WDR70: variants seen among roughly 807,000 people sequenced by gnomAD.
WDR70 encodes WD repeat domain 70.
A neutral mutation model predicts 88.6 loss-of-function variants in WDR70; 53 were observed. The observed-to-expected ratio is 0.60, with a 90% CI of 0.48 to 0.75. The LOEUF is 0.75. WDR70 is among the 30% of genes least tolerant of loss of function. The pLI is 0.00. For missense variants in WDR70, 610 were observed against 823.2 expected, an observed-to-expected ratio of 0.74 and a Z score of 3.17; for synonymous variants, 280 against 270.0, an observed-to-expected ratio of 1.04 and a Z score of -0.36.
intron 9 of WDR70, among the ~76,000 whole-genome samples, chr5:37,528,893 C>A: frequency 7.1e-6 from 1 of 139,932 alleles, no homozygotes; most frequent in Admixed American, 7.3e-5. Context: ...TTGCCTAAGC[C>A]AATGTCTAGA....
At chr5:37,438,908 G>GTTTTTTTTTTTT (rs5867350) in intron 6 of WDR70, among the ~76,000 whole-genome samples, 12 of 146,210 alleles carry the variant, frequency 8.2e-5, no homozygotes, top group Non-Finnish European at 6.0e-5. Flanking sequence ...GTCCTCATTC[G>GTTTTTTTTTTTT]TTTTTTTTTT....
At chr5:37,402,458 AT>A in intron 5 of WDR70, among the ~76,000 whole-genome samples, 1 of 152,070 alleles carries the variant, frequency 6.6e-6, no homozygotes, top group Non-Finnish European at 1.5e-5. Context: ...TCCTTTGGAT[AT>A]ATACTCATTA....
At position 37,571,215 on chromosome 5, in the gene WDR70, A is replaced by C. The variant is rs570258496; in HGVS notation, c.918-33849A>C. Among the ~76,000 whole-genome samples the C allele has an allele frequency of 2.0e-5, 3 of 152,316 alleles. No homozygotes were observed. In the South Asian group the frequency reaches 6.2e-4, roughly 32 times the overall value. Reference sequence around the variant, plus strand: ...CCGAAATTTCTAAGTAGCGCTGCCTATTGGATGAACTTTATCATATACTCT... The same window carrying C: ...CCGAAATTTCTAAGTAGCGCTGCCTCTTGGATGAACTTTATCATATACTCT... On this transcript the variant is annotated intron_variant, in intron 9 of 17. Coordinates refer to ENST00000265107, the MANE Select transcript of WDR70 (RefSeq NM_018034.4).
intron 8 of WDR70, among the ~76,000 whole-genome samples, chr5:37,501,605 T>G (rs963722978): frequency 3.9e-5 from 6 of 152,196 alleles, no homozygotes; most frequent in Non-Finnish European, 8.8e-5. Flanking sequence ...ACAAGTTTGC[T>G]TTAATCCATG....
chr5:37,426,434 G>A (rs1365751934), intron 5 of WDR70, among the ~76,000 whole-genome samples: 1 of 152,124 alleles, frequency 6.6e-6, no homozygotes, highest in Non-Finnish European at 1.5e-5. Context: ...TGATTTAAAA[G>A]AATAGCCAGT....
chr5:37,694,500 A>G (rs1746919222), intron 10 of WDR70, among the ~76,000 whole-genome samples: 1 of 152,226 alleles, frequency 6.6e-6, no homozygotes. Flanking sequence ...CATATACACC[A>G]TGGAATACTA....
intron 9 of WDR70, among the ~76,000 whole-genome samples, chr5:37,567,447 A>C (rs1168213724): frequency 2.0e-5 from 3 of 152,246 alleles, no homozygotes; most frequent in Non-Finnish European, 2.9e-5. Flanking sequence ...TAAACGATTT[A>C]AAAATAACAA....
chr5:37,627,086 T>C (rs1457144298), intron 10 of WDR70, among the ~76,000 whole-genome samples: 1 of 152,138 alleles, frequency 6.6e-6, no homozygotes, highest in Non-Finnish European at 1.5e-5. Context: ...GTTTGATCTT[T>C]TGTGTATTTT....
intron 9 of WDR70, among the ~76,000 whole-genome samples, chr5:37,587,525 C>T (rs1191072433): frequency 3.3e-5 from 5 of 151,948 alleles, no homozygotes; most frequent in African/African-American, 7.2e-5. Context: ...AGAATCCTTC[C>T]TAGATCTTTC....
At chr5:37,554,229 C>T (rs2112356110) in intron 9 of WDR70, among the ~76,000 whole-genome samples, 1 of 151,542 alleles carries the variant, frequency 6.6e-6, no homozygotes, top group East Asian at 1.9e-4. Flanking sequence ...CCTGTCTCTG[C>T]TAGGTCTTGG....
At chr5:37,587,418 C>T (rs1019682317) in intron 9 of WDR70, among the ~76,000 whole-genome samples, 12 of 151,946 alleles carry the variant, frequency 7.9e-5, no homozygotes, top group Admixed American at 4.6e-4. Context: ...CTAGGATGCA[C>T]TCCCCACCCC....
intron 9 of WDR70, among the ~76,000 whole-genome samples, chr5:37,527,819 G>A (rs1741344640): frequency 6.6e-6 from 1 of 152,082 alleles, no homozygotes; most frequent in African/African-American, 2.4e-5. Flanking sequence ...GTGGGCAAAG[G>A]ATATGAACAG....
At chr5:37,408,333 GTGT>G (rs1749416925) in intron 5 of WDR70, among the ~76,000 whole-genome samples, 2 of 152,054 alleles carry the variant, frequency 1.3e-5, no homozygotes, top group Admixed American at 1.3e-4. Flanking sequence ...AATTAGCCAG[GTGT>G]CATGGCACAC....
At chr5:37,697,536 G>C (rs1259638373) in intron 10 of WDR70, 119 bp from the exon 11 acceptor site, 1 of 696,838 alleles carries the variant, frequency 1.4e-6, no homozygotes, top group Non-Finnish European at 2.4e-6. Flanking sequence ...TGTGAAATTA[G>C]TACTTTGCTT....
At chr5:37,751,813 G>A (rs1402046571) in intron 17 of WDR70, among the ~76,000 whole-genome samples, 1 of 152,190 alleles carries the variant, frequency 6.6e-6, no homozygotes, top group African/African-American at 2.4e-5. Context: ...GGATGTCATT[G>A]AACCGGTATG....
At chr5:37,733,039 G>A (rs1430996556) in intron 17 of WDR70, among the ~76,000 whole-genome samples, 2 of 151,930 alleles carry the variant, frequency 1.3e-5, no homozygotes, top group Non-Finnish European at 2.9e-5. Context: ...CAAATTTGAT[G>A]TCTTAAAAAG....
chr5:37,732,844 T>C (rs1748189765), intron 17 of WDR70, among the ~76,000 whole-genome samples: 1 of 152,086 alleles, frequency 6.6e-6, no homozygotes, highest in Non-Finnish European at 1.5e-5. Context: ...TATTTTAATG[T>C]GGTGAGATTT....
intron 7 of WDR70, among the ~76,000 whole-genome samples, chr5:37,464,803 T>C (rs1467427473): frequency 1.3e-5 from 2 of 152,200 alleles, no homozygotes; most frequent in Non-Finnish European, 2.9e-5. Context: ...GCACGGGTGC[T>C]GGATCTGGAC....
chr5:37,383,910 A>T (rs1748514308), intron 3 of WDR70, among the ~76,000 whole-genome samples: 1 of 152,146 alleles, frequency 6.6e-6, no homozygotes, highest in Non-Finnish European at 1.5e-5. Context: ...GTGAAATTTC[A>T]AACACGGAAG....
Sources: gnomAD v4.1 joint callset for allele counts (sites outside exome capture counted in the v4.1 genomes callset) on GRCh38, gnomAD v4.1.1 for gene constraint, MANE v1.5 for transcripts, NCBI Gene and HGNC (gene_info 2026-07-23, HGNC 2026-07-21) for gene names.